The following KCNQ5 variants were observed in gnomAD, a reference collection of about 807,000 sequenced individuals.
KCNQ5 encodes potassium voltage-gated channel subfamily KQT member 5.
In KCNQ5, 30 loss-of-function variants were observed where a neutral mutation model predicts 98.2. That is an observed-to-expected ratio of 0.31 (90% CI 0.23 to 0.41). The LOEUF (loss-of-function observed/expected upper bound fraction) is 0.41, where lower values mean the gene tolerates loss of function less well. Ranked by LOEUF, KCNQ5 falls within the 10% of genes least tolerant of loss-of-function variation. KCNQ5 has a pLI of 1.00. For missense variants in KCNQ5, 835 were observed against 1,182.5 expected (o/e 0.71, Z 4.31); for synonymous variants, 458 against 449.4 (o/e 1.02, Z -0.24).
intron 11 of KCNQ5, among the ~76,000 whole-genome samples, chr6:73,173,783 C>G (rs565340214): frequency 1.7e-3 from 246 of 148,728 alleles, no homozygotes; most frequent in African/African-American, 5.9e-3. Context: ...AACCCTGTCT[C>G]TAAAGGGAAA....
chr6:73,072,280 C>G (rs1444010568), intron 3 of KCNQ5, among the ~76,000 whole-genome samples: 4 of 152,130 alleles, frequency 2.6e-5, no homozygotes, highest in Non-Finnish European at 5.9e-5. Context: ...GTTTATCTGT[C>G]CTTATAACTA....
chr6:73,164,984 T>C (rs1236402912), intron 10 of KCNQ5, among the ~76,000 whole-genome samples: 1 of 147,172 alleles, frequency 6.8e-6, no homozygotes, highest in African/African-American at 2.5e-5. Flanking sequence ...CTGGGAATCT[T>C]TTTTTTTTTT....
At chr6:72,802,501 A>C (rs142272505) in intron 1 of KCNQ5, among the ~76,000 whole-genome samples, 1 of 152,280 alleles carries the variant, frequency 6.6e-6, no homozygotes, top group African/African-American at 2.4e-5. Context: ...GATAAAGTTA[A>C]CCATTGACTC....
intron 1 of KCNQ5, among the ~76,000 whole-genome samples, chr6:72,929,577 ATACATAAAG>A (rs1442139425): frequency 6.6e-5 from 10 of 152,190 alleles, no homozygotes; most frequent in East Asian, 1.9e-4. Flanking sequence ...TGCCAATGGA[ATACATAAAG>A]TACATAAAGT....
chr6:72,774,675 A>G (rs1773076679), intron 1 of KCNQ5, among the ~76,000 whole-genome samples: 2 of 152,082 alleles, frequency 1.3e-5, no homozygotes, highest in African/African-American at 4.8e-5. Flanking sequence ...GCAAAAAACA[A>G]TAGGAAATTA....
chr6:72,860,353 C>T (rs1361825332), intron 1 of KCNQ5, among the ~76,000 whole-genome samples: 3 of 152,104 alleles, frequency 2.0e-5, no homozygotes, highest in Non-Finnish European at 2.9e-5. Flanking sequence ...TTTCAACATG[C>T]TCAGTCTTTC....
intron 1 of KCNQ5, among the ~76,000 whole-genome samples, chr6:73,002,188 GT>G (rs1562121061): frequency 6.6e-6 from 1 of 152,274 alleles, no homozygotes; most frequent in East Asian, 1.9e-4. Context: ...CGTGTACTAG[GT>G]TTTTTCACTA....
chr6:73,124,676 C>T, intron 9 of KCNQ5, 164 bp downstream of exon 9: 2 of 674,586 alleles, frequency 3.0e-6, no homozygotes, highest in South Asian at 3.5e-5. Flanking sequence ...GATATTTCGC[C>T]CCTTAGTATC....
intron 1 of KCNQ5, among the ~76,000 whole-genome samples, chr6:72,996,999 CCAAGGAGTAAAGGTCCCAGA>C (rs1490145775): frequency 6.6e-6 from 1 of 152,082 alleles, no homozygotes; most frequent in Admixed American, 6.5e-5. Flanking sequence ...CAGATCCTGA[CCAAGGAGTAAAGGTCCCAGA>C]CAAGGAGAGC....
At chr6:72,861,196 C>T (rs1423140268) in intron 1 of KCNQ5, among the ~76,000 whole-genome samples, 1 of 152,034 alleles carries the variant, frequency 6.6e-6, no homozygotes, top group Admixed American at 6.6e-5. Flanking sequence ...ACAGCATGTG[C>T]CTCATGAATT....
At chr6:73,003,335 A>G (rs890924275) in intron 1 of KCNQ5, among the ~76,000 whole-genome samples, 2 of 152,174 alleles carry the variant, frequency 1.3e-5, no homozygotes, top group African/African-American at 4.8e-5. Flanking sequence ...TAGCAGAGGA[A>G]ATCATTCACT....
At chr6:72,957,239 C>G (rs1027191791) in intron 1 of KCNQ5, among the ~76,000 whole-genome samples, 1 of 147,064 alleles carries the variant, frequency 6.8e-6, no homozygotes, top group Non-Finnish European at 1.5e-5. Flanking sequence ...GGCACAATCT[C>G]AGCTCATTGC....
intron 1 of KCNQ5, among the ~76,000 whole-genome samples, chr6:72,808,959 T>C (rs954029858): frequency 2.8e-4 from 42 of 150,888 alleles, no homozygotes; most frequent in Admixed American, 8.6e-4. Flanking sequence ...TATTGCAGCA[T>C]TATTCACAAT....
chr6:72,639,391 C>T (rs2098925958), intron 1 of KCNQ5, among the ~76,000 whole-genome samples: 1 of 152,106 alleles, frequency 6.6e-6, no homozygotes, highest in Non-Finnish European at 1.5e-5. Context: ...GAGTGGACAG[C>T]ATGTGCAGTG....
At chr6:72,997,580 C>A (rs963632587) in intron 1 of KCNQ5, among the ~76,000 whole-genome samples, 1 of 150,848 alleles carries the variant, frequency 6.6e-6, no homozygotes, top group Non-Finnish European at 1.5e-5. Flanking sequence ...TCGAGACCAT[C>A]CTGGCTAAAG....
intron 2 of KCNQ5, among the ~76,000 whole-genome samples, chr6:73,041,085 GATAA>G (rs534164348): frequency 1.4e-3 from 212 of 152,292 alleles, no homozygotes; most frequent in African/African-American, 4.9e-3. Flanking sequence ...AAACAATTTT[GATAA>G]ATAAAGTGCC....
At chr6:72,720,290 G>A (rs1422049044) in intron 1 of KCNQ5, among the ~76,000 whole-genome samples, 3 of 152,140 alleles carry the variant, frequency 2.0e-5, no homozygotes, top group African/African-American at 7.2e-5. Flanking sequence ...GTATTACAAT[G>A]CTTTTTTACA....
chr6:73,150,530 A>G (rs995194480), intron 10 of KCNQ5, among the ~76,000 whole-genome samples: 3 of 147,580 alleles, frequency 2.0e-5, no homozygotes, highest in Non-Finnish European at 4.5e-5. Flanking sequence ...TATATGTACT[A>G]TATATATTTA....
intron 2 of KCNQ5, among the ~76,000 whole-genome samples, chr6:73,007,667 C>T (rs554515591): frequency 6.6e-6 from 1 of 152,282 alleles, no homozygotes; most frequent in East Asian, 1.9e-4. Context: ...TGCACATGTT[C>T]CAGGAGGGAC....
Sources: allele counts gnomAD v4.1 joint callset (sites outside exome capture counted in the v4.1 genomes callset), GRCh38; gene constraint gnomAD v4.1.1; transcripts MANE v1.5; gene names NCBI Gene and HGNC (gene_info 2026-07-23, HGNC 2026-07-21).